PRRG4: variants seen among roughly 807,000 people sequenced by gnomAD.
PRRG4 encodes transmembrane gamma-carboxyglutamic acid protein 4.
In PRRG4, 12 loss-of-function variants were observed where a neutral mutation model predicts 20.0. The ratio of observed to expected loss-of-function variants is 0.60; its 90% confidence interval spans 0.38 to 0.97. The LOEUF (loss-of-function observed/expected upper bound fraction) is 0.97. Ranked by LOEUF, PRRG4 falls within the 50% of genes least tolerant of loss-of-function variation. The pLI is 0.00. For synonymous variants in PRRG4, 94 were observed against 96.4 expected, an observed-to-expected ratio of 0.98 and a Z score of 0.15; for missense variants, 199 against 265.1, an observed-to-expected ratio of 0.75 and a Z score of 1.73.
rs138104653 is a variant in PRRG4, at chr11:32,850,652, C to T, written c.450-2644C>T. 1.6e-3 allele frequency among the ~76,000 whole-genome samples: 237 copies of T among 152,236 alleles called. 1 individual carries two copies. Among genetic ancestry groups the T allele is most frequent in the African/African-American group, 5.5e-3 (230 of 41,528 alleles). The stretch of plus-strand genomic sequence containing the variant: ...CATCTATTGTCCCAAGAAATTCTTC[C>T]AGCAGAGTTATTTGTTTCTATATTT... On this transcript the variant is annotated intron_variant, in intron 5 of 5. Coordinates refer to ENST00000257836, the MANE Select transcript of PRRG4 (RefSeq NM_024081.6).
chr11:32,855,290 A>G lies in PRRG4; in HGVS notation c.*1763A>G, dbSNP rs1397146697. 1.3e-5 allele frequency: 2 copies of G among 152,192 alleles called. No individual in the cohort carries two copies. The highest frequency in any genetic ancestry group is 1.5e-5 in the Non-Finnish European group (1 of 68,028). 9.4% of individuals were successfully genotyped at this position (152,192 alleles called of 1,614,324 possible). A position where few individuals can be genotyped will look rare whatever the true frequency, so the allele number is the denominator to read the frequency against. The stretch of plus-strand genomic sequence containing the variant: ...TGCACACAAATTTATCTGGGTGGGT[A>G]TGTAGGTATATGTGAGTTTGTTTCC... On this transcript the variant is annotated 3_prime_UTR_variant, in exon 6 of 6. Coordinates refer to ENST00000257836, the MANE Select transcript of PRRG4 (RefSeq NM_024081.6).
In PRRG4 at chr11:32,830,085, C is replaced by G; in HGVS notation, c.-111C>G. 2 of 990,050 alleles carry G rather than the reference C, an allele frequency of 2.0e-6. No homozygotes were observed. The highest frequency in any genetic ancestry group is 2.4e-6 in the Non-Finnish European group (2 of 833,350). The allele number at this position is 990,050 out of a possible 1,614,324, so 61.3% of individuals were successfully genotyped here. On this transcript the variant is annotated 5_prime_UTR_variant, in exon 1 of 6. Transcript: ENST00000257836. ...GGAGCGTCGCCGAGGTTTGAGGGCG[C>G]CGGAGACCGAGGGCCTGGCGGCCGA...
rs761041981 is a variant in PRRG4 at position 32,830,649 on chromosome 11, C to T, written c.103+17C>T. ...GAGAAGAAGGTAAGCACTAAAACGT[C>T]CCTGGAACCCAGAGCCGCATAGCAC... On this transcript the variant is annotated intron_variant, in intron 2 of 5. Transcript: ENST00000257836. 1 of 1,613,836 alleles carries T rather than the reference C, an allele frequency of 6.2e-7. No individual in the cohort carries two copies. The highest frequency in any genetic ancestry group is 2.2e-5 in the East Asian group (1 of 44,886).
intron 2 of PRRG4, among the ~76,000 whole-genome samples, chr11:32,835,970 C>CACG (rs1349428365): frequency 6.6e-6 from 1 of 151,992 alleles, no homozygotes; most frequent in African/African-American, 2.4e-5. Context: ...GGCGTGGTGG[C>CACG]ACGTGCCTGT....
In PRRG4 at chr11:32,853,474, C is replaced by T. The variant is rs370307405; in HGVS notation, c.628C>T (p.His210Tyr). 6.2e-7 allele frequency: 1 copy of T among 1,614,130 alleles called. No homozygotes were observed. Among genetic ancestry groups the T allele is most frequent in the African/African-American group, 1.3e-5 (1 of 75,040 alleles). Residue 210 changes from histidine (H) to tyrosine (Y), a missense_variant, in exon 6 of 6, where the codon CAC becomes TAC. Physicochemically the swap from His to Tyr is moderately conservative, Grantham distance 83. Coordinates refer to ENST00000257836, the MANE Select transcript of PRRG4 (RefSeq NM_024081.6). Reference sequence around the variant, plus strand: ...TTCACCACCACCACCATATCCTGGGCACACAAAAGGATTTAGGGTATTTAA... The same window carrying T: ...TTCACCACCACCACCATATCCTGGGTACACAAAAGGATTTAGGGTATTTAA... The part of the protein sequence containing the change: ...SVSPPPPYPG[H>Y]TKGFRVFKKS...
At chr11:32,843,831 C>G (rs1851102644) in intron 5 of PRRG4, among the ~76,000 whole-genome samples, 1 of 151,654 alleles carries the variant, frequency 6.6e-6, no homozygotes. Flanking sequence ...ACTATTTTAC[C>G]TTTTGTCTCT....
chr11:32,850,535 A>G (rs2133450766), intron 5 of PRRG4, among the ~76,000 whole-genome samples: 1 of 152,070 alleles, frequency 6.6e-6, no homozygotes, highest in South Asian at 2.1e-4. Context: ...CCCCTCAGCA[A>G]CTCTCTGAGT....
chr11:32,850,770 T>C (rs1851175713), intron 5 of PRRG4, among the ~76,000 whole-genome samples: 1 of 152,152 alleles, frequency 6.6e-6, no homozygotes, highest in Non-Finnish European at 1.5e-5. Context: ...CTCATTCATC[T>C]GTAAAAACAA....
At position 32,838,524 on chromosome 11, in the gene PRRG4, A is replaced by G. The variant is rs1269384257; in HGVS notation, c.268-358A>G. Among the ~76,000 whole-genome samples, 6 of 152,066 alleles carry G rather than the reference A, an allele frequency of 3.9e-5. No homozygotes were observed. In the East Asian group the frequency reaches 9.6e-4, roughly 24 times the overall value. ...ATAGAAAACTTCAGTCTCCTGTTCA[A>G]TCATGATAGTGGGTCCACAGCCTCA... On this transcript the variant is annotated intron_variant, in intron 3 of 5. Coordinates refer to ENST00000257836, the MANE Select transcript of PRRG4 (RefSeq NM_024081.6).
intron 3 of PRRG4, among the ~76,000 whole-genome samples, chr11:32,837,828 G>A (rs979722835): frequency 6.6e-6 from 1 of 151,990 alleles, no homozygotes; most frequent in African/African-American, 2.4e-5. Flanking sequence ...AAAGTGCTAG[G>A]ATTACAGGCA....
chr11:32,850,952 A>G (rs905082945), intron 5 of PRRG4, among the ~76,000 whole-genome samples: 2 of 152,184 alleles, frequency 1.3e-5, no homozygotes, highest in African/African-American at 4.8e-5. Context: ...GGGCACCTGT[A>G]ATCTCATCTA....
intron 5 of PRRG4, among the ~76,000 whole-genome samples, chr11:32,845,281 G>C (rs1851117480): frequency 6.6e-6 from 1 of 152,010 alleles, no homozygotes; most frequent in African/African-American, 2.4e-5. Flanking sequence ...ATTACCATTT[G>C]AGTGAGGCAA....
Position 32,830,507 on chromosome 11 carries a change from G to A in PRRG4, c.-22-1G>A. ...TTAATATTTTTTTTTGTTTGTTTTA[G>A]TTTGTTTGACAGTTGCCAGACTATG... is the stretch of plus-strand genomic sequence containing the variant. On this transcript the variant is annotated splice_acceptor_variant, in intron 1 of 5. Transcript: ENST00000257836. LOFTEE classifies it low-confidence loss of function (5UTR_SPLICE). The A allele has an allele frequency of 7.9e-6, 12 of 1,511,204 alleles. No individual in the cohort carries two copies. Among genetic ancestry groups the A allele is most frequent in the Non-Finnish European group, 1.1e-5 (12 of 1,134,560 alleles). 93.6% of individuals were successfully genotyped at this position (1,511,204 alleles called of 1,614,324 possible).
chr11:32,836,915 C>A, intron 3 of PRRG4, 94 bp downstream of exon 3: 1 of 991,664 alleles, frequency 1.0e-6, no homozygotes, highest in Non-Finnish European at 1.5e-6. Flanking sequence ...GCCTTAAACA[C>A]AATCAGGATT....
At chr11:32,838,827 T>C in intron 3 of PRRG4, 55 bp from the exon 4 acceptor site, 2 of 1,341,572 alleles carry the variant, frequency 1.5e-6, no homozygotes, top group Non-Finnish European at 2.1e-6. Flanking sequence ...TAGGACCAAA[T>C]GAAATGTGAT....
intron 2 of PRRG4, among the ~76,000 whole-genome samples, chr11:32,831,039 C>G (rs1407484055): frequency 6.6e-6 from 1 of 152,052 alleles, no homozygotes; most frequent in Admixed American, 6.6e-5. Flanking sequence ...ATAACTTAAT[C>G]CCGTTTGGCT....
At chr11:32,849,826 TG>T (rs748454553) in intron 5 of PRRG4, among the ~76,000 whole-genome samples, 1 of 152,184 alleles carries the variant, frequency 6.6e-6, no homozygotes, top group Non-Finnish European at 1.5e-5. Context: ...CTGGAATTCT[TG>T]AAAAGTTCCC....
chr11:32,843,996 A>G (rs1009499094), intron 5 of PRRG4, among the ~76,000 whole-genome samples: 20 of 152,314 alleles, frequency 1.3e-4, no homozygotes, highest in African/African-American at 4.8e-4. Context: ...AAGTTTTTTT[A>G]AATTCTAAAA....
At chr11:32,847,938 C>A (rs1194731192) in intron 5 of PRRG4, among the ~76,000 whole-genome samples, 1 of 152,180 alleles carries the variant, frequency 6.6e-6, no homozygotes, top group Non-Finnish European at 1.5e-5. Flanking sequence ...TAGGCAAGAT[C>A]TAGGATAGGC....
Sources: allele counts gnomAD v4.1 joint callset (sites outside exome capture counted in the v4.1 genomes callset), GRCh38; gene constraint gnomAD v4.1.1; transcripts MANE v1.5; gene names NCBI Gene and HGNC (gene_info 2026-07-23, HGNC 2026-07-21).